NOX5: variants seen among roughly 807,000 people sequenced by gnomAD.
The protein encoded by NOX5 is NADPH oxidase 5.
Under a neutral mutation model 85.7 loss-of-function variants are expected in NOX5, and 76 were observed. That is an observed-to-expected ratio of 0.89 (90% CI 0.74 to 1.07). The LOEUF (loss-of-function observed/expected upper bound fraction) is 1.07. Ranked by LOEUF, NOX5 falls within the 50% of genes least tolerant of loss-of-function variation. The pLI is 0.00. For missense variants in NOX5, 973 were observed against 999.5 expected, an observed-to-expected ratio of 0.97 and a Z score of 0.36; for synonymous variants, 405 against 401.4, an observed-to-expected ratio of 1.01 and a Z score of -0.11.
At chr15:69,032,535 C>T (rs962791311) in intron 4 of NOX5, among the ~76,000 whole-genome samples, 1 of 151,954 alleles carries the variant, frequency 6.6e-6, no homozygotes, top group Non-Finnish European at 1.5e-5. Context: ...CTCATCCTCC[C>T]GAGTAGCTGG....
chr15:69,031,956 C>A, intron 4 of NOX5, 144 bp downstream of exon 4: 1 of 808,728 alleles, frequency 1.2e-6, no homozygotes, highest in Non-Finnish European at 1.9e-6. Flanking sequence ...CTTGAGTGTA[C>A]TGCAGGGCAG....
At chr15:69,046,629 C>T (rs1034489358) in intron 10 of NOX5, among the ~76,000 whole-genome samples, 193 bp from the exon 11 acceptor site, 4 of 152,148 alleles carry the variant, frequency 2.6e-5, no homozygotes. Context: ...GTTATCCCTT[C>T]GCCAGAAGTC....
intron 9 of NOX5, among the ~76,000 whole-genome samples, chr15:69,040,192 C>T (rs1362178128): frequency 1.3e-5 from 2 of 152,242 alleles, no homozygotes; most frequent in East Asian, 1.9e-4. Context: ...TGAATTGTGC[C>T]CTCAATGTAC....
At chr15:69,031,839 C>T in intron 4 of NOX5, 27 bp downstream of exon 4, 1 of 1,572,338 alleles carries the variant, frequency 6.4e-7, no homozygotes, top group Non-Finnish European at 8.7e-7. Context: ...GGCATTGGCA[C>T]TGTCCACGGC....
Position 69,035,944 on chromosome 15 carries a change from A to C in NOX5, c.1188+8A>C, listed in dbSNP as rs1595779328. Reference sequence around the variant, plus strand: ...AGGAGTGGCCACTTTGAGGTGCCCCAGTTGCTGCCCTTTTGCTTCCCCCAA... The same window carrying C: ...AGGAGTGGCCACTTTGAGGTGCCCCCGTTGCTGCCCTTTTGCTTCCCCCAA... On this transcript the variant is annotated splice_region_variant and intron_variant, in intron 7 of 15. Transcript: ENST00000388866. 6.2e-7 allele frequency: 1 copy of C among 1,613,540 alleles called. No individual in the cohort carries two copies. The highest frequency in any genetic ancestry group is 8.5e-7 in the Non-Finnish European group (1 of 1,179,710).
In NOX5 at chr15:69,035,820, C is replaced by G; in HGVS notation, c.1072C>G (p.Pro358Ala). 1.2e-6 allele frequency: 2 copies of G among 1,614,188 alleles called. No homozygotes were observed. Among genetic ancestry groups the G allele is most frequent in the Non-Finnish European group, 1.7e-6 (2 of 1,180,040 alleles). Residue 358 changes from proline (P) to alanine (A), a missense_variant, in exon 7 of 16, where the codon CCT becomes GCT. Physicochemically the swap from Pro to Ala is conservative, Grantham distance 27. Coordinates refer to ENST00000388866, the MANE Select transcript of NOX5 (RefSeq NM_024505.4). ...QFWELLLTTR[P>A]GIGWVHGSAS... ...CTGGGAGCTGCTGCTCACCACGAGG[C>G]CTGGCATTGGCTGGGTACACGGTTC... is the stretch of plus-strand genomic sequence containing the variant.
chr15:69,027,297 A>T (rs886506631), intron 2 of NOX5, among the ~76,000 whole-genome samples: 1 of 152,114 alleles, frequency 6.6e-6, no homozygotes, highest in Non-Finnish European at 1.5e-5. Context: ...GGAAGGAAAA[A>T]ATCCCATTCT....
intron 15 of NOX5, among the ~76,000 whole-genome samples, chr15:69,055,750 C>T (rs1017431240): frequency 3.3e-5 from 5 of 152,174 alleles, no homozygotes; most frequent in African/African-American, 1.2e-4. Context: ...CCTCAAAGAC[C>T]CCTGCAGCCT....
At position 69,051,772 on chromosome 15, in the gene NOX5, T is replaced by C. The variant is rs181804324; in HGVS notation, c.1999+2714T>C. 3.4e-4 allele frequency among the ~76,000 whole-genome samples: 51 copies of C among 152,168 alleles called. No individual in the cohort carries two copies. The East Asian group carries it at 9.8e-3, about 29-fold the overall frequency. On this transcript the variant is annotated intron_variant, in intron 14 of 15. Transcript: ENST00000388866. ...GGTGAGTGCTCAACCTTTTTTCTGA[T>C]GAAATGAGAATAAAAAGTTTAGAGA...
At chr15:69,051,073 C>T (rs1487078293) in intron 14 of NOX5, among the ~76,000 whole-genome samples, 1 of 152,298 alleles carries the variant, frequency 6.6e-6, no homozygotes, top group East Asian at 1.9e-4. Context: ...CTCCTCCCTG[C>T]ATCTCTCCTT....
In NOX5 at chr15:69,056,793, C is replaced by A. The variant is rs2140285993; in HGVS notation, c.*97C>A. On this transcript the variant is annotated 3_prime_UTR_variant, in exon 16 of 16. Coordinates refer to ENST00000388866, the MANE Select transcript of NOX5 (RefSeq NM_024505.4). ...ACAGGGACCAGCCTCAGATGACCCA[C>A]CCAATAAGACAAAGCCTAGGGACCC... is the stretch of plus-strand genomic sequence containing the variant. The A allele has an allele frequency of 6.8e-7, 1 of 1,461,994 alleles. No individual in the cohort carries two copies. The highest frequency in any genetic ancestry group is 2.1e-5 in the Admixed American group (1 of 46,686). 90.6% of individuals were successfully genotyped at this position (1,461,994 alleles called of 1,614,324 possible). A position where few individuals can be genotyped will look rare whatever the true frequency, so the allele number is the denominator to read the frequency against.
chr15:69,017,773 T>TACAC (rs1491161513), intron 1 of NOX5, among the ~76,000 whole-genome samples: 1 of 148,282 alleles, frequency 6.7e-6, no homozygotes, highest in African/African-American at 2.6e-5. Flanking sequence ...TGATATATTT[T>TACAC]ATACACACAC....
Position 69,055,505 on chromosome 15 carries a change from T to G in NOX5, c.2166+5T>G, listed in dbSNP as rs749948677. On this transcript the variant is annotated splice_donor_5th_base_variant and intron_variant, in intron 15 of 15. Coordinates refer to ENST00000388866, the MANE Select transcript of NOX5 (RefSeq NM_024505.4). ...GGGCGGCCTGACTGGAGCAAGGTAA[T>G]GCCAACTGGAGCCCTGCAGCTTGCA... is the stretch of plus-strand genomic sequence containing the variant. 6.2e-7 allele frequency: 1 copy of G among 1,612,990 alleles called. No individual in the cohort carries two copies. The highest frequency in any genetic ancestry group is 1.3e-5 in the African/African-American group (1 of 74,918).
chr15:69,047,729 C>T, intron 12 of NOX5, 101 bp from the exon 13 acceptor site: 1 of 1,369,514 alleles, frequency 7.3e-7, no homozygotes, highest in Non-Finnish European at 1.0e-6. Flanking sequence ...ATAGAGTGGG[C>T]TCTGCCACCC....
Position 69,031,556 on chromosome 15 carries a change from G to A in NOX5, c.364G>A (p.Gly122Ser). 3.1e-6 allele frequency: 5 copies of A among 1,612,054 alleles called. No homozygotes were observed. The highest frequency in any genetic ancestry group is 3.4e-6 in the Non-Finnish European group (4 of 1,179,892). The part of the protein sequence containing the change: ...RQGASAGTEW[G>S]AGAGPHWASS... ...GGGGGCGTCTGCAGGTACAGAGTGG[G>A]GTGCTGGGGCAGGCCCGCACTGGGC... The change falls in exon 4 of 16, where the codon GGT (glycine) becomes AGT (serine). Residue 122 changes from glycine (G) to serine (S), a missense_variant. Physicochemically the swap from Gly to Ser is moderately conservative, Grantham distance 56. Coordinates refer to ENST00000388866, the MANE Select transcript of NOX5 (RefSeq NM_024505.4).
intron 4 of NOX5, among the ~76,000 whole-genome samples, chr15:69,032,611 A>G (rs1041325707): frequency 6.6e-6 from 1 of 151,960 alleles, no homozygotes; most frequent in African/African-American, 2.4e-5. Context: ...GGGTTTCGCC[A>G]TCTTGGCCAG....
At chr15:69,044,484 A>G (rs1247908470) in intron 10 of NOX5, among the ~76,000 whole-genome samples, 1 of 152,230 alleles carries the variant, frequency 6.6e-6, no homozygotes, top group African/African-American at 2.4e-5. Flanking sequence ...GTTGTTCTCA[A>G]TAATGAGAAA....
chr15:69,037,194 A>G lies in NOX5; in HGVS notation c.1355A>G (p.Asn452Ser), dbSNP rs745836858. 5.6e-6 allele frequency: 9 copies of G among 1,613,108 alleles called. No homozygotes were observed. The highest frequency in any genetic ancestry group is 4.5e-5 in the East Asian group (2 of 44,858). ...RMAAVCIMEVNLLPSKVTHLL... is the reference protein window; with the variant it reads ...RMAAVCIMEVSLLPSKVTHLL... Reference sequence around the variant, plus strand: ...GCAGCCGTGTGCATCATGGAAGTCAACCTCCTCCCCTCCAAGGTACAAAGG... The same window carrying G: ...GCAGCCGTGTGCATCATGGAAGTCAGCCTCCTCCCCTCCAAGGTACAAAGG... Residue 452 changes from asparagine to serine, a missense_variant, in exon 8 of 16, where the codon AAC becomes AGC. Physicochemically the swap from Asn to Ser is conservative, Grantham distance 46. Coordinates refer to ENST00000388866, the MANE Select transcript of NOX5 (RefSeq NM_024505.4).
chr15:69,047,654 TTC>T (rs754537510), intron 12 of NOX5, 117 bp downstream of exon 12: 2 of 1,398,204 alleles, frequency 1.4e-6, no homozygotes, highest in Non-Finnish European at 1.9e-6. Context: ...CTCTCTGCTC[TTC>T]TCTCTCTTTC....
Sources: gnomAD v4.1 joint callset for allele counts (sites outside exome capture counted in the v4.1 genomes callset) on GRCh38, gnomAD v4.1.1 for gene constraint, MANE v1.5 for transcripts, NCBI Gene and HGNC (gene_info 2026-07-23, HGNC 2026-07-21) for gene names.